The following CTNND2 variants were observed in gnomAD, a reference collection of about 807,000 sequenced individuals.
CTNND2 encodes the protein catenin delta-2.
Under a neutral mutation model 144.4 loss-of-function variants are expected in CTNND2, and 22 were observed. The ratio of observed to expected loss-of-function variants is 0.15; its 90% CI spans 0.11 to 0.22. CTNND2 has a LOEUF of 0.22. Ranked by LOEUF, CTNND2 falls within the 10% of genes least tolerant of loss-of-function variation. The pLI, the probability that CTNND2 is intolerant of heterozygous loss-of-function variation, is 1.00. For missense variants in CTNND2, 1,353 were observed against 1,618.8 expected (o/e 0.84, Z 2.82); for synonymous variants, 751 against 695.6 (o/e 1.08, Z -1.25).
chr5:11,250,492 T>TCTCTCG lies in CTNND2; in HGVS notation c.1629-13670_1629-13669insCGAGAG, dbSNP rs33947206. On this transcript the variant is annotated intron_variant, in intron 9 of 21. Transcript: ENST00000304623. ...CTCTCTCTCTCTCTCTCTCTCTCTC[T>TCTCTCG]ATATATATATATATATATATACATA... Among the ~76,000 whole-genome samples the TCTCTCG allele has an allele frequency of 1.8e-4, 5 of 28,064 alleles. 1 individual carries two copies. The highest frequency in any genetic ancestry group is 4.1e-4 in the African/African-American group (2 of 4,916). The allele number at this position is 28,064 out of a possible 152,430, so 18.4% of individuals were successfully genotyped here.
chr5:11,856,579 G>A (rs960656526), intron 1 of CTNND2, among the ~76,000 whole-genome samples: 3 of 152,144 alleles, frequency 2.0e-5, no homozygotes, highest in Non-Finnish European at 4.4e-5. Flanking sequence ...AGAAGCGGAA[G>A]TAAAAAGTGC....
intron 1 of CTNND2, among the ~76,000 whole-genome samples, chr5:11,871,018 T>C (rs1323253299): frequency 6.6e-6 from 1 of 152,096 alleles, no homozygotes; most frequent in African/African-American, 2.4e-5. Flanking sequence ...TAGGTTTAGG[T>C]AAGGTCATGA....
At position 11,700,501 on chromosome 5, in the gene CTNND2, G is replaced by A. The variant is rs190161162; in HGVS notation, c.174+31635C>T. ...GGGATCAATGACTTAAAGAATCAAAGCCCTACTTGGTTGTATTCAGCGTGC... is the reference window on the plus strand; with the variant it reads ...GGGATCAATGACTTAAAGAATCAAAACCCTACTTGGTTGTATTCAGCGTGC... On this transcript the variant is annotated intron_variant, in intron 2 of 21. Coordinates refer to ENST00000304623, the MANE Select transcript of CTNND2 (RefSeq NM_001332.4). 4.7e-4 allele frequency among the ~76,000 whole-genome samples: 71 copies of A among 152,298 alleles called. 1 individual carries two copies. The highest frequency in any genetic ancestry group is 1.6e-3 in the African/African-American group (68 of 41,554).
At chr5:11,586,500 G>A (rs533682798) in intron 2 of CTNND2, among the ~76,000 whole-genome samples, 5 of 152,234 alleles carry the variant, frequency 3.3e-5, no homozygotes, top group East Asian at 1.9e-4. Flanking sequence ...GAATTCACAC[G>A]TTAATAAGCT....
chr5:11,402,047 C>T (rs1304451381), intron 5 of CTNND2, among the ~76,000 whole-genome samples: 1 of 152,150 alleles, frequency 6.6e-6, no homozygotes, highest in Non-Finnish European at 1.5e-5. Flanking sequence ...TTCATGCTTT[C>T]TTTCAACAAC....
At chr5:11,557,578 T>A (rs1238304347) in intron 3 of CTNND2, among the ~76,000 whole-genome samples, 2 of 152,102 alleles carry the variant, frequency 1.3e-5, no homozygotes, top group Non-Finnish European at 2.9e-5. Context: ...GAATTGAATT[T>A]TCTGAATTTT....
intron 1 of CTNND2, among the ~76,000 whole-genome samples, chr5:11,774,553 A>AAAT (rs1790136218): frequency 1.4e-5 from 2 of 147,136 alleles, no homozygotes; most frequent in African/African-American, 4.9e-5. Flanking sequence ...AGTATAATAA[A>AAAT]AAAAAATTAA....
chr5:11,265,280 A>C (rs1298073050), intron 9 of CTNND2, among the ~76,000 whole-genome samples: 1 of 152,240 alleles, frequency 6.6e-6, no homozygotes, highest in African/African-American at 2.4e-5. Flanking sequence ...AATGTACATG[A>C]GAGAACAGAG....
At chr5:11,375,252 G>C (rs1269964073) in intron 7 of CTNND2, among the ~76,000 whole-genome samples, 1 of 152,062 alleles carries the variant, frequency 6.6e-6, no homozygotes, top group African/African-American at 2.4e-5. Context: ...CACTCAGAGT[G>C]ACCTCTGTCA....
intron 3 of CTNND2, among the ~76,000 whole-genome samples, chr5:11,473,436 G>T (rs1767422514): frequency 6.6e-6 from 1 of 152,180 alleles, no homozygotes; most frequent in Non-Finnish European, 1.5e-5. Context: ...AGGGCAACCA[G>T]TTGGCTGAGA....
In CTNND2 at chr5:11,853,054, T is replaced by C. The variant is rs531472006; in HGVS notation, c.37+50763A>G. Among the ~76,000 whole-genome samples, 46 of 152,276 alleles carry C rather than the reference T, an allele frequency of 3.0e-4. No individual in the cohort carries two copies. The South Asian group carries it at 8.7e-3, about 29-fold the overall frequency. On this transcript the variant is annotated intron_variant, in intron 1 of 21. Transcript: ENST00000304623. Reference sequence around the variant, plus strand: ...GGAGATTAATCAAAGCCTGTCAAAATTGGAAAACACATAAATCTCTGGGAA... The same window carrying C: ...GGAGATTAATCAAAGCCTGTCAAAACTGGAAAACACATAAATCTCTGGGAA...
intron 6 of CTNND2, among the ~76,000 whole-genome samples, chr5:11,392,499 C>T (rs1759723401): frequency 6.6e-6 from 1 of 152,182 alleles, no homozygotes; most frequent in African/African-American, 2.4e-5. Flanking sequence ...TTTAATATAA[C>T]TGCAATAGCC....
chr5:11,761,383 C>T (rs115510564), intron 1 of CTNND2, among the ~76,000 whole-genome samples: 2,228 of 152,200 alleles, frequency 0.015, 43 homozygotes, highest in African/African-American at 0.051. Flanking sequence ...TCTCAATTTG[C>T]TATCTTAAAA....
intron 1 of CTNND2, among the ~76,000 whole-genome samples, chr5:11,750,167 C>CA (rs1193464124): frequency 6.6e-6 from 1 of 151,942 alleles, no homozygotes; most frequent in East Asian, 1.9e-4. Context: ...ACTGACTTTC[C>CA]ATTTTTCTTC....
chr5:11,358,136 A>G (rs372074638), intron 8 of CTNND2, among the ~76,000 whole-genome samples: 3 of 152,170 alleles, frequency 2.0e-5, no homozygotes, highest in African/African-American at 7.2e-5. Context: ...ATTGGGGTGC[A>G]TCATCCAGGT....
intron 3 of CTNND2, among the ~76,000 whole-genome samples, chr5:11,503,951 T>C (rs1770762739): frequency 6.6e-6 from 1 of 152,178 alleles, no homozygotes; most frequent in African/African-American, 2.4e-5. Context: ...CATAAATCAT[T>C]TACAAAGAAA....
chr5:11,036,276 CG>C (rs1404951576), intron 16 of CTNND2, among the ~76,000 whole-genome samples: 1 of 152,012 alleles, frequency 6.6e-6, no homozygotes, highest in Non-Finnish European at 1.5e-5. Context: ...CTTCTTTAAC[CG>C]TTTTATTATA....
chr5:11,396,276 T>G (rs1306726995), intron 6 of CTNND2, among the ~76,000 whole-genome samples: 1 of 152,106 alleles, frequency 6.6e-6, no homozygotes, highest in Admixed American at 6.6e-5. Context: ...GGCGTGATGA[T>G]CAAAATTATA....
chr5:11,812,216 G>A (rs1792373056), intron 1 of CTNND2, among the ~76,000 whole-genome samples: 1 of 152,166 alleles, frequency 6.6e-6, no homozygotes, highest in African/African-American at 2.4e-5. Context: ...CAGAGACAGT[G>A]AATAGCAATC....
Sources: gnomAD v4.1 joint callset for allele counts (sites outside exome capture counted in the v4.1 genomes callset) on GRCh38, gnomAD v4.1.1 for gene constraint, MANE v1.5 for transcripts, NCBI Gene and HGNC (gene_info 2026-07-23, HGNC 2026-07-21) for gene names.